The following HVCN1 variants were observed in gnomAD, a reference collection of about 807,000 sequenced individuals.
HVCN1 encodes voltage-gated hydrogen channel 1.
In HVCN1, 14 loss-of-function variants were observed where a neutral mutation model predicts 29.2. The ratio of observed to expected loss-of-function variants is 0.48; its 90% CI spans 0.32 to 0.75. The LOEUF is 0.75. Ranked by LOEUF, HVCN1 falls within the 30% of genes least tolerant of loss-of-function variation. HVCN1 has a pLI of 0.04. For missense variants in HVCN1, 263 were observed against 341.8 expected (o/e 0.77, Z 1.82); for synonymous variants, 131 against 133.2 (o/e 0.98, Z 0.11).
intron 3 of HVCN1, among the ~76,000 whole-genome samples, chr12:110,667,186 G>A (rs912376812): frequency 6.6e-6 from 1 of 152,178 alleles, no homozygotes; most frequent in Non-Finnish European, 1.5e-5. Context: ...CCATGCTGGA[G>A]TGCAGTGGCA....
chr12:110,687,813 A>C (rs151100551), intron 2 of HVCN1, among the ~76,000 whole-genome samples: 1 of 152,290 alleles, frequency 6.6e-6, no homozygotes, highest in Non-Finnish European at 1.5e-5. Context: ...GGGGACAAGA[A>C]CACTCTGGCT....
At chr12:110,695,273 C>CAT (rs770659678) in intron 2 of HVCN1, among the ~76,000 whole-genome samples, 1 of 145,046 alleles carries the variant, frequency 6.9e-6, no homozygotes, top group Admixed American at 6.8e-5. Flanking sequence ...CACACACACA[C>CAT]ATATATATAC....
intron 3 of HVCN1, among the ~76,000 whole-genome samples, chr12:110,663,390 C>T (rs544971912): frequency 1.3e-5 from 2 of 151,772 alleles, no homozygotes; most frequent in East Asian, 3.9e-4. Flanking sequence ...ATTGCTTGAG[C>T]CCAGGAGCTG....
chr12:110,651,179 T>G, intron 6 of HVCN1, 38 bp downstream of exon 6: 3 of 1,479,150 alleles, frequency 2.0e-6, no homozygotes, highest in Non-Finnish European at 2.8e-6. Flanking sequence ...CCTGGGCCCC[T>G]ACTCTCCATC....
At chr12:110,668,743 A>G (rs531116328) in intron 3 of HVCN1, among the ~76,000 whole-genome samples, 1 of 152,284 alleles carries the variant, frequency 6.6e-6, no homozygotes, top group Admixed American at 6.5e-5. Context: ...CTCCCATGCA[A>G]GAATCCTTGC....
At chr12:110,651,567 C>T in intron 5 of HVCN1, 119 bp from the exon 6 acceptor site, 1 of 691,106 alleles carries the variant, frequency 1.4e-6, no homozygotes, top group Non-Finnish European at 2.6e-6. Context: ...AATCCAGATG[C>T]CCAGTGCTGG....
intron 2 of HVCN1, among the ~76,000 whole-genome samples, chr12:110,699,354 T>C (rs929052329): frequency 2.0e-5 from 3 of 152,052 alleles, no homozygotes; most frequent in Non-Finnish European, 4.4e-5. Context: ...GACAGAGCCA[T>C]GGCGAATGGC....
chr12:110,691,265 G>A (rs1041135240), upstream of HVCN1, among the ~76,000 whole-genome samples: 3 of 151,588 alleles, frequency 2.0e-5, no homozygotes, highest in South Asian at 2.1e-4. Context: ...GGGTTTCACC[G>A]TGTTAACCAG....
chr12:110,687,445 T>G (rs1265383351), intron 2 of HVCN1, among the ~76,000 whole-genome samples: 2 of 152,164 alleles, frequency 1.3e-5, no homozygotes, highest in Non-Finnish European at 2.9e-5. Flanking sequence ...ACGTGTGCTG[T>G]GCACAGCCCC....
At chr12:110,704,600 G>A (rs1409143740) in intron 1 of HVCN1, among the ~76,000 whole-genome samples, 1 of 152,178 alleles carries the variant, frequency 6.6e-6, no homozygotes, top group East Asian at 1.9e-4. Flanking sequence ...GGAAGCTGCC[G>A]TGAACTATGA....
At chr12:110,691,201 T>C (rs2069399336), upstream of HVCN1, among the ~76,000 whole-genome samples, 1 of 152,148 alleles carries the variant, frequency 6.6e-6, no homozygotes, top group Non-Finnish European at 1.5e-5. Context: ...TAGCTGGGAC[T>C]ACAGGCGCCC....
At chr12:110,660,223 A>C (rs1428299076) in intron 4 of HVCN1, among the ~76,000 whole-genome samples, 1 of 151,700 alleles carries the variant, frequency 6.6e-6, no homozygotes, top group Non-Finnish European at 1.5e-5. Flanking sequence ...CTAAAAATGC[A>C]AAATTAGCCA....
upstream of HVCN1, among the ~76,000 whole-genome samples, chr12:110,690,354 C>G (rs75026037): frequency 5.1e-3 from 770 of 152,324 alleles, 2 homozygotes; most frequent in Middle Eastern, 0.01. Context: ...AGGCAACATA[C>G]AGGTTTGGAG....
intron 7 of HVCN1, 29 bp downstream of exon 7, chr12:110,650,139 C>G (rs747416876): frequency 2.2e-5 from 33 of 1,484,148 alleles, no homozygotes; most frequent in Non-Finnish European, 2.5e-5. Context: ...GCCACCACGC[C>G]TGGTCCCCAG....
Position 110,661,229 on chromosome 12 carries a change from C to T in HVCN1, c.241G>A (p.Ala81Thr), listed in dbSNP as rs777850110. Residue 81 changes from alanine to threonine, a missense_variant, in exon 4 of 8, where the codon GCA (alanine) becomes ACA (threonine). Physicochemically the swap from Ala to Thr is moderately conservative, Grantham distance 58 (BLOSUM62 0). Transcript: ENST00000242607. This position sits in a 1 kb window ranked among gnomAD's most constrained non-coding sequence, Gnocchi z 6.2. The stretch of plus-strand genomic sequence containing the variant: ...CTGAAGTCAAGGGGGGCCCTGGGTG[C>T]GGGGCCAGGGGCAGGGGCAACGTCA... ...APDVAPAPGPAPRAPLDFRGM... is the reference protein window; with the variant it reads ...APDVAPAPGPTPRAPLDFRGM... The T allele has an allele frequency of 9.3e-6, 15 of 1,613,844 alleles. No individual in the cohort carries two copies. The highest frequency in any genetic ancestry group is 4.4e-5 in the South Asian group (4 of 91,072).
intron 2 of HVCN1, among the ~76,000 whole-genome samples, chr12:110,685,984 T>G (rs1241965892): frequency 6.6e-6 from 1 of 151,832 alleles, no homozygotes; most frequent in Non-Finnish European, 1.5e-5. Flanking sequence ...ACCTGATCCC[T>G]CTATGTAACT....
At position 110,648,774 on chromosome 12, in the gene HVCN1, G is replaced by A. The variant is rs2067596448; in HGVS notation, c.*636C>T. On this transcript the variant is annotated 3_prime_UTR_variant, in exon 8 of 8. Transcript: ENST00000242607. ...TGCCACAGAGGAAAGAATACAGTAG[G>A]AGGGTCCAGGGAAAAGAGAGAGTTT... The A allele has an allele frequency of 3.3e-6, 1 of 299,200 alleles. No homozygotes were observed. The highest frequency in any genetic ancestry group is 2.3e-5 in the African/African-American group (1 of 42,832). 18.5% of individuals were successfully genotyped at this position (299,200 alleles called of 1,614,324 possible). A position where few individuals can be genotyped will look rare whatever the true frequency, so the allele number is the denominator to read the frequency against.
At chr12:110,651,086 G>A in intron 6 of HVCN1, 131 bp downstream of exon 6, 1 of 647,328 alleles carries the variant, frequency 1.5e-6, no homozygotes, top group South Asian at 1.9e-5. Flanking sequence ...GGAGGTGAGG[G>A]GGCAGAGGGG....
chr12:110,700,753 C>T (rs7968913), intron 2 of HVCN1, among the ~76,000 whole-genome samples: 13,820 of 152,188 alleles, frequency 0.091, 701 homozygotes, highest in Middle Eastern at 0.12. Flanking sequence ...CCACCACACC[C>T]GGTCTACTTG....
Sources: gnomAD v4.1 joint callset for allele counts (sites outside exome capture counted in the v4.1 genomes callset) on GRCh38, gnomAD v4.1.1 for gene constraint, Gnocchi (gnomAD v3.1) non-coding constraint, MANE v1.5 for transcripts, NCBI Gene and HGNC (gene_info 2026-07-23, HGNC 2026-07-21) for gene names.